The following HGSNAT variants were observed in gnomAD, a reference collection of about 807,000 sequenced individuals.
HGSNAT encodes heparan-alpha-glucosaminide N-acetyltransferase.
Under a neutral mutation model 85.2 loss-of-function variants are expected in HGSNAT, and 59 were observed. The observed-to-expected ratio is 0.69, with a 90% CI of 0.56 to 0.86. The LOEUF (loss-of-function observed/expected upper bound fraction) is 0.86. Among genes scored for constraint, HGSNAT ranks in the 40% least tolerant of loss-of-function variants. HGSNAT has a pLI of 0.00. For missense variants in HGSNAT, 756 were observed against 777.1 expected (o/e 0.97, Z 0.32); for synonymous variants, 321 against 304.5 (o/e 1.05, Z -0.56).
intron 1 of HGSNAT, 40 bp from the exon 2 acceptor site, chr8:43,146,908 C>T: frequency 1.0e-6 from 1 of 993,976 alleles, no homozygotes; most frequent in East Asian, 2.5e-5. Context: ...CTTTCGGGTG[C>T]CTTTTTTTTT....
At chr8:43,150,858 TAAATAAATA>T (rs1332414290) in intron 2 of HGSNAT, among the ~76,000 whole-genome samples, 7 of 150,468 alleles carry the variant, frequency 4.7e-5, no homozygotes, top group Non-Finnish European at 8.9e-5. Flanking sequence ...AATAAATAAA[TAAATAAATA>T]AAATAAAATT....
chr8:43,191,484 G>A lies in HGSNAT; in HGVS notation c.1139G>A (p.Cys380Tyr), dbSNP rs1804525130. The change falls in exon 12 of 18, where the codon TGC (cysteine) becomes TAC (tyrosine). Residue 380 changes from cysteine (C) to tyrosine (Y), a missense_variant. Transcript: ENST00000379644. ...TCTGCCCCCACTCAGGAGAGGAGCT[G>A]CCTTTCTCTTCGAGACATCACGTCC... ...VPEHCASERS[C>Y]LSLRDITSSW... The A allele has an allele frequency of 1.2e-6, 2 of 1,613,678 alleles. No individual in the cohort carries two copies. The highest frequency in any genetic ancestry group is 8.5e-7 in the Non-Finnish European group (1 of 1,179,612).
At chr8:43,162,825 C>T (rs1442121772) in intron 5 of HGSNAT, among the ~76,000 whole-genome samples, 1 of 152,090 alleles carries the variant, frequency 6.6e-6, no homozygotes, top group Non-Finnish European at 1.5e-5. Context: ...CTGTCTCTGA[C>T]TCCCAGAGTG....
At chr8:43,159,187 C>A in intron 4 of HGSNAT, 143 bp downstream of exon 4, 1 of 624,640 alleles carries the variant, frequency 1.6e-6, no homozygotes, top group Admixed American at 3.5e-5. Context: ...CACCACTCCC[C>A]CCAAAAAATC....
At position 43,170,767 on chromosome 8, in the gene HGSNAT, T is replaced by A. The variant is rs1016996979; in HGVS notation, c.743+73T>A. On this transcript the variant is annotated intron_variant, in intron 7 of 17. Transcript: ENST00000379644. ...TACATAATTGTACATACACACACTT[T>A]TAGCTTTTAAGGACTTTTACATATC... 4.3e-6 allele frequency: 4 copies of A among 940,268 alleles called. No homozygotes were observed. The African/African-American group carries it at 5.0e-5, about 12-fold the overall frequency. The allele number at this position is 940,268 out of a possible 1,614,324, so 58.2% of individuals were successfully genotyped here. A position where few individuals can be genotyped will look rare whatever the true frequency, so the allele number is the denominator to read the frequency against.
chr8:43,188,988 C>T (rs1019943598), intron 11 of HGSNAT, among the ~76,000 whole-genome samples: 1 of 152,150 alleles, frequency 6.6e-6, no homozygotes, highest in East Asian at 1.9e-4. Flanking sequence ...TGATCCTTCC[C>T]CTGGAAGCTT....
intron 17 of HGSNAT, among the ~76,000 whole-genome samples, chr8:43,198,722 A>G (rs908619597): frequency 3.3e-5 from 5 of 152,200 alleles, no homozygotes; most frequent in Non-Finnish European, 5.9e-5. Context: ...CCAACCGAGG[A>G]CTTAGAAACA....
At chr8:43,179,344 A>T (rs1803946372) in intron 10 of HGSNAT, among the ~76,000 whole-genome samples, 3 of 133,992 alleles carry the variant, frequency 2.2e-5, no homozygotes, top group Non-Finnish European at 4.8e-5. Flanking sequence ...CCTCCTGGAT[A>T]GGGCGGCTGG....
intron 11 of HGSNAT, among the ~76,000 whole-genome samples, chr8:43,187,375 T>A (rs566666650): frequency 1.3e-5 from 2 of 152,368 alleles, no homozygotes; most frequent in South Asian, 4.1e-4. Context: ...CTTGTTGAAT[T>A]GATCCCTTTA....
At chr8:43,172,268 A>G (rs1803649249) in intron 7 of HGSNAT, 42 bp from the exon 8 acceptor site, 1 of 1,425,204 alleles carries the variant, frequency 7.0e-7, no homozygotes, top group African/African-American at 1.4e-5. Flanking sequence ...TCCTTTTCAC[A>G]TAGCAAACCC....
chr8:43,146,018 CAA>C (rs1184531528), intron 1 of HGSNAT, among the ~76,000 whole-genome samples: 2 of 152,138 alleles, frequency 1.3e-5, no homozygotes, highest in Non-Finnish European at 2.9e-5. Flanking sequence ...GACTTTTAGA[CAA>C]GAGCAGTTCA....
At chr8:43,176,789 CTTTAT>C (rs1307822807) in intron 9 of HGSNAT, among the ~76,000 whole-genome samples, 3 of 151,890 alleles carry the variant, frequency 2.0e-5, no homozygotes, top group African/African-American at 7.3e-5. Flanking sequence ...TTTTGAGGTA[CTTTAT>C]TTTATTTGTG....
chr8:43,161,009 C>T (rs1803249765), intron 4 of HGSNAT, among the ~76,000 whole-genome samples: 1 of 152,138 alleles, frequency 6.6e-6, no homozygotes, highest in Admixed American at 6.5e-5. Flanking sequence ...CTTCTCAGTG[C>T]CTTGTGTGAG....
chr8:43,193,677 G>A (rs924511538), intron 13 of HGSNAT, 80 bp from the exon 14 acceptor site: 21 of 895,142 alleles, frequency 2.3e-5, no homozygotes, highest in African/African-American at 2.2e-4. Context: ...GTGTATTCAG[G>A]TTTGTATTTG....
chr8:43,181,102 AGG>A (rs1804085464), intron 10 of HGSNAT, among the ~76,000 whole-genome samples: 1 of 294 alleles, frequency 3.4e-3, no homozygotes, highest in Non-Finnish European at 0.01. Context: ...GGAGAGGGAG[AGG>A]GAGAGGGAGA....
At chr8:43,174,816 G>A (rs1440676792) in intron 9 of HGSNAT, among the ~76,000 whole-genome samples, 1 of 151,912 alleles carries the variant, frequency 6.6e-6, no homozygotes, top group African/African-American at 2.4e-5. Context: ...GTAAATTATT[G>A]TTGACTGTAG....
rs1310490354 is a variant in HGSNAT at position 43,197,855 on chromosome 8, C to T, written c.1629C>T (p.Val543=). 1.2e-6 allele frequency: 2 copies of T among 1,613,932 alleles called. No homozygotes were observed. Among genetic ancestry groups the T allele is most frequent in the East Asian group, 4.5e-5 (2 of 44,886 alleles). ...CCCCTCCCAGGTCCCTTTCGTATGTCACTACGCTCAGTTCTTTTGCCTTCT... is the reference window on the plus strand; with the variant it reads ...CCCCTCCCAGGTCCCTTTCGTATGTTACTACGCTCAGTTCTTTTGCCTTCT... ...VNKNLWSLSY[V]TTLSSFAFFI... Residue 543 remains valine, a synonymous_variant, in exon 17 of 18, where the codon GTC becomes GTT. Transcript: ENST00000379644.
intron 11 of HGSNAT, among the ~76,000 whole-genome samples, chr8:43,184,012 C>CA (rs1458038774): frequency 1.1e-4 from 16 of 152,338 alleles, no homozygotes; most frequent in African/African-American, 3.6e-4. Context: ...ATATGTGCCA[C>CA]ATTTTCTTAA....
At chr8:43,173,937 C>T (rs746165994) in intron 9 of HGSNAT, 194 bp downstream of exon 9, 15 of 519,044 alleles carry the variant, frequency 2.9e-5, no homozygotes, top group African/African-American at 1.2e-4. Context: ...GATTTGGGGC[C>T]GGGCGCGGTG....
Sources: gnomAD v4.1 joint callset for allele counts (sites outside exome capture counted in the v4.1 genomes callset) on GRCh38, gnomAD v4.1.1 for gene constraint, MANE v1.5 for transcripts, NCBI Gene and HGNC (gene_info 2026-07-23, HGNC 2026-07-21) for gene names.